The following PLPPR1 variants were observed in gnomAD, a reference collection of about 807,000 sequenced individuals.
PLPPR1 encodes the protein phospholipid phosphatase related 1.
PLPPR1 carries 10 observed loss-of-function variants against 33.1 expected under a neutral mutation model. That is an observed-to-expected ratio of 0.30 (90% CI 0.19 to 0.51). The LOEUF is 0.51. Among genes scored for constraint, PLPPR1 ranks in the 20% least tolerant of loss-of-function variants. The probability of loss-of-function intolerance (pLI) is 0.97; values close to 1 mark genes in which losing one functional copy is unlikely to be tolerated. For missense variants in PLPPR1, 304 were observed against 408.1 expected, an observed-to-expected ratio of 0.74 and a Z score of 2.20; for synonymous variants, 151 against 151.0, an observed-to-expected ratio of 1.00 and a Z score of 0.00.
chr9:101,281,242 A>G (rs1024285156), intron 3 of PLPPR1, among the ~76,000 whole-genome samples: 5 of 152,110 alleles, frequency 3.3e-5, no homozygotes, highest in African/African-American at 4.8e-5. Flanking sequence ...ATGAAACTAT[A>G]AAATACTGAT....
At chr9:101,289,032 T>A (rs192394415) in intron 4 of PLPPR1, among the ~76,000 whole-genome samples, 1 of 152,200 alleles carries the variant, frequency 6.6e-6, no homozygotes, top group Non-Finnish European at 1.5e-5. Context: ...GGTCCTCACA[T>A]GTCTCCAGCC....
chr9:101,110,273 A>C (rs1831039507), intron 1 of PLPPR1, among the ~76,000 whole-genome samples: 2 of 152,214 alleles, frequency 1.3e-5, no homozygotes, highest in Admixed American at 1.3e-4. Context: ...ACAAATGACA[A>C]TAACAACAAA....
chr9:101,287,372 A>G (rs886819412), intron 4 of PLPPR1, among the ~76,000 whole-genome samples: 5 of 152,218 alleles, frequency 3.3e-5, no homozygotes, highest in Non-Finnish European at 5.9e-5. Context: ...GAGTTTGATC[A>G]CTTCCCAGAG....
At chr9:101,247,406 C>T (rs533613379) in intron 2 of PLPPR1, among the ~76,000 whole-genome samples, 16 of 152,070 alleles carry the variant, frequency 1.1e-4, no homozygotes, top group Non-Finnish European at 1.9e-4. Flanking sequence ...ATCTGAGAGG[C>T]GAATTTGCAC....
chr9:101,229,136 T>A (rs547753162), intron 2 of PLPPR1, among the ~76,000 whole-genome samples: 6 of 152,278 alleles, frequency 3.9e-5, no homozygotes, highest in Non-Finnish European at 8.8e-5. Context: ...GGGTTTGATG[T>A]TGGATCAGAG....
intron 1 of PLPPR1, among the ~76,000 whole-genome samples, chr9:101,044,845 A>T (rs141976532): frequency 1.3e-5 from 2 of 152,202 alleles, no homozygotes; most frequent in South Asian, 4.1e-4. Flanking sequence ...TGGCATTCAT[A>T]CAGGGAATCT....
chr9:101,035,545 G>A (rs1053092212), intron 1 of PLPPR1, among the ~76,000 whole-genome samples: 2 of 152,008 alleles, frequency 1.3e-5, no homozygotes, highest in African/African-American at 2.4e-5. Flanking sequence ...GGGTTTTTAG[G>A]TCAGAGTCTC....
At chr9:101,073,981 G>C (rs1276430258) in intron 1 of PLPPR1, among the ~76,000 whole-genome samples, 2 of 152,124 alleles carry the variant, frequency 1.3e-5, no homozygotes, top group Non-Finnish European at 2.9e-5. Flanking sequence ...GAAAGGCAAG[G>C]ATGCCAGGAT....
intron 1 of PLPPR1, among the ~76,000 whole-genome samples, chr9:101,080,145 G>A (rs1020016095): frequency 4.6e-5 from 7 of 151,874 alleles, no homozygotes; most frequent in Non-Finnish European, 7.4e-5. Flanking sequence ...CTGATGATTC[G>A]ATTTTTGAAA....
intron 1 of PLPPR1, among the ~76,000 whole-genome samples, 170 bp downstream of exon 1, chr9:101,029,272 G>C (rs1450251982): frequency 2.0e-5 from 3 of 152,228 alleles, no homozygotes; most frequent in Admixed American, 2.0e-4. Context: ...AGGAGAGGAC[G>C]AACCCAGGGA....
intron 7 of PLPPR1, among the ~76,000 whole-genome samples, chr9:101,322,189 A>G (rs1829164553): frequency 8.0e-6 from 1 of 125,060 alleles, no homozygotes; most frequent in Admixed American, 8.5e-5. Flanking sequence ...CAACAGCAAG[A>G]CTTCATCTCA....
intron 1 of PLPPR1, among the ~76,000 whole-genome samples, chr9:101,057,033 C>A (rs115394238): frequency 1.3e-5 from 2 of 152,260 alleles, no homozygotes; most frequent in East Asian, 3.9e-4. Context: ...CAAGATAATA[C>A]GCCAAACATA....
chr9:101,190,161 C>T (rs1168662273), intron 2 of PLPPR1, among the ~76,000 whole-genome samples: 24 of 152,152 alleles, frequency 1.6e-4, no homozygotes, highest in Admixed American at 1.6e-3. Context: ...TCTTCCTATA[C>T]CAACAGGTGG....
intron 1 of PLPPR1, among the ~76,000 whole-genome samples, chr9:101,038,474 T>A (rs1456088887): frequency 6.6e-6 from 1 of 152,172 alleles, no homozygotes; most frequent in Non-Finnish European, 1.5e-5. Flanking sequence ...TAAATTCTCC[T>A]TGATTCACAG....
chr9:101,086,997 G>A (rs1340337548), intron 1 of PLPPR1, among the ~76,000 whole-genome samples: 2 of 152,034 alleles, frequency 1.3e-5, no homozygotes, highest in East Asian at 1.9e-4. Flanking sequence ...TGGCCAACAT[G>A]GTGAAACACC....
chr9:101,167,186 T>TGTGTGTGTGTGTGTGTG (rs1825872610), intron 1 of PLPPR1, among the ~76,000 whole-genome samples: 47 of 23,154 alleles, frequency 2.0e-3, no homozygotes, highest in Non-Finnish European at 3.9e-3. Context: ...GTGTGTGTCT[T>TGTGTGTGTGTGTGTGTG]TCTCTCTCTC....
At position 101,061,177 on chromosome 9, in the gene PLPPR1, C is replaced by T. The variant is rs137930705; in HGVS notation, c.-46+32075C>T. Among the ~76,000 whole-genome samples the T allele has an allele frequency of 3.8e-3, 576 of 151,968 alleles. 7 individuals carry two copies. The highest frequency in any genetic ancestry group is 0.013 in the African/African-American group (552 of 41,496). On this transcript the variant is annotated intron_variant, in intron 1 of 7. Coordinates refer to ENST00000374874, the MANE Select transcript of PLPPR1 (RefSeq NM_207299.2). ...CAAAAGCAGCATTACTCTGTAGTCT[C>T]ACATATACAGATTGAAGATCTCATT...
intron 4 of PLPPR1, among the ~76,000 whole-genome samples, chr9:101,291,066 CG>C (rs994392588): frequency 1.3e-5 from 2 of 152,332 alleles, no homozygotes; most frequent in African/African-American, 4.8e-5. Context: ...CCTGGAAAAT[CG>C]GGTCACTCCC....
intron 2 of PLPPR1, among the ~76,000 whole-genome samples, chr9:101,239,346 A>G (rs1588090005): frequency 6.6e-6 from 1 of 151,996 alleles, no homozygotes; most frequent in Non-Finnish European, 1.5e-5. Context: ...GCAGTGTATG[A>G]GTTCCCTTTT....
Sources: gnomAD v4.1 joint callset for allele counts (sites outside exome capture counted in the v4.1 genomes callset) on GRCh38, gnomAD v4.1.1 for gene constraint, MANE v1.5 for transcripts, NCBI Gene and HGNC (gene_info 2026-07-23, HGNC 2026-07-21) for gene names.